The following TRPM3 variants were observed in gnomAD, a reference collection of about 807,000 sequenced individuals.
TRPM3 encodes transient receptor potential cation channel subfamily M member 3.
In TRPM3, 77 loss-of-function variants were observed where a neutral mutation model predicts 181.2. The ratio of observed to expected loss-of-function variants is 0.42; its 90% confidence interval spans 0.35 to 0.51. The LOEUF is 0.51. Among genes scored for constraint, TRPM3 ranks in the 20% least tolerant of loss-of-function variants. The pLI, the probability that TRPM3 is intolerant of heterozygous loss-of-function variation, is 0.01. For missense variants in TRPM3, 1,759 were observed against 2,196.7 expected (o/e 0.80, Z 3.98); for synonymous variants, 745 against 796.4 (o/e 0.94, Z 1.09).
chr9:70,874,501 A>C (rs1266922510), intron 1 of TRPM3, among the ~76,000 whole-genome samples: 1 of 151,936 alleles, frequency 6.6e-6, no homozygotes, highest in Non-Finnish European at 1.5e-5. Context: ...TAGAGTAAAA[A>C]TGAGGCTATG....
Position 70,544,176 on chromosome 9 carries a change from A to G in TRPM3, c.3707+5366T>C, listed in dbSNP as rs552247002. ...ATGGGAAATAAAAAGAAATGCCAGAAAATTGGAGATAGATAAAAGCTTTTC... is the reference window on the plus strand; with the variant it reads ...ATGGGAAATAAAAAGAAATGCCAGAGAATTGGAGATAGATAAAAGCTTTTC... On this transcript the variant is annotated intron_variant, in intron 25 of 25. Transcript: ENST00000677713. Among the ~76,000 whole-genome samples, 31 of 152,304 alleles carry G rather than the reference A, an allele frequency of 2.0e-4. No homozygotes were observed. In the South Asian group the frequency reaches 6.0e-3, roughly 30 times the overall value.
intron 1 of TRPM3, among the ~76,000 whole-genome samples, chr9:71,110,721 A>G (rs12005835): frequency 0.033 from 4,990 of 152,296 alleles, 287 homozygotes; most frequent in African/African-American, 0.11. Context: ...TAGGATATTA[A>G]TTAATGCAGA....
chr9:71,138,493 T>C (rs1435401573), intron 1 of TRPM3, among the ~76,000 whole-genome samples: 1 of 152,224 alleles, frequency 6.6e-6, no homozygotes, highest in Admixed American at 6.5e-5. Context: ...TCAGTATATA[T>C]ATGAGTTTCT....
chr9:70,629,478 G>A (rs1184226937), intron 12 of TRPM3, among the ~76,000 whole-genome samples: 1 of 152,038 alleles, frequency 6.6e-6, no homozygotes, highest in Non-Finnish European at 1.5e-5. Flanking sequence ...TGGGATTACA[G>A]GCATGTGCCA....
chr9:70,652,016 AC>A (rs2059657294), intron 9 of TRPM3, among the ~76,000 whole-genome samples: 1 of 152,182 alleles, frequency 6.6e-6, no homozygotes, highest in Non-Finnish European at 1.5e-5. Context: ...CTGAAGGCCT[AC>A]TGTTGCTGAG....
chr9:71,138,510 A>G (rs182003734), intron 1 of TRPM3, among the ~76,000 whole-genome samples: 1 of 152,292 alleles, frequency 6.6e-6, no homozygotes, highest in East Asian at 1.9e-4. Flanking sequence ...TTCTAATAGG[A>G]AATCAATCTT....
At position 71,270,450 on chromosome 9, in the gene TRPM3, A is replaced by G. The variant is rs539562431; in HGVS notation, c.183+176203T>C. On this transcript the variant is annotated intron_variant, in intron 1 of 24. Transcript: ENST00000357533. ...GGTCCATGTCATCTGGCCCCTGCTCACTGGACTCATCCTATATAACCCTCC... is the reference window on the plus strand; with the variant it reads ...GGTCCATGTCATCTGGCCCCTGCTCGCTGGACTCATCCTATATAACCCTCC... 3.6e-3 allele frequency among the ~76,000 whole-genome samples: 550 copies of G among 152,348 alleles called. 1 individual carries two copies. Among genetic ancestry groups the G allele is most frequent in the African/African-American group, 0.013 (521 of 41,586 alleles).
At chr9:71,266,918 T>G (rs719858) in intron 1 of TRPM3, among the ~76,000 whole-genome samples, 82,516 of 150,908 alleles carry the variant, frequency 0.55, 22,674 homozygotes, top group African/African-American at 0.6. Context: ...TTCTATTAAT[T>G]ATGACAATTT....
At chr9:71,104,261 C>G (rs1231393990) in intron 1 of TRPM3, among the ~76,000 whole-genome samples, 1 of 152,190 alleles carries the variant, frequency 6.6e-6, no homozygotes, top group African/African-American at 2.4e-5. Context: ...AATATGGACA[C>G]ATTCCTAGTG....
chr9:71,365,461 AT>A (rs758486310), intron 1 of TRPM3, among the ~76,000 whole-genome samples: 1 of 152,094 alleles, frequency 6.6e-6, no homozygotes, highest in East Asian at 1.9e-4. Context: ...TTTATCTTAG[AT>A]TCTGAAAGTT....
At chr9:70,637,459 C>G (rs2057392281) in intron 11 of TRPM3, among the ~76,000 whole-genome samples, 1 of 151,986 alleles carries the variant, frequency 6.6e-6, no homozygotes. Flanking sequence ...CTACCCACCC[C>G]CACTCCCCAG....
At chr9:70,601,617 T>TC (rs1178356008) in intron 20 of TRPM3, among the ~76,000 whole-genome samples, 1 of 152,062 alleles carries the variant, frequency 6.6e-6, no homozygotes, top group East Asian at 1.9e-4. Context: ...ACCGCCTCAC[T>TC]CCCCACGGGA....
At chr9:70,570,989 A>C (rs1250588584) in intron 22 of TRPM3, among the ~76,000 whole-genome samples, 2 of 152,016 alleles carry the variant, frequency 1.3e-5, no homozygotes, top group Non-Finnish European at 2.9e-5. Context: ...TTTCTATTCC[A>C]TCTGAATAAC....
intron 1 of TRPM3, among the ~76,000 whole-genome samples, chr9:71,199,837 T>A (rs1165325642): frequency 2.6e-5 from 4 of 152,028 alleles, no homozygotes; most frequent in Non-Finnish European, 4.4e-5. Flanking sequence ...CTGGATTCAT[T>A]AATTTTTTGA....
intron 1 of TRPM3, among the ~76,000 whole-genome samples, chr9:71,400,281 C>A (rs370039870): frequency 6.6e-6 from 1 of 152,060 alleles, no homozygotes; most frequent in African/African-American, 2.4e-5. Flanking sequence ...ATTTTCTGAT[C>A]CTTACATTAT....
chr9:71,102,906 GATTGA>G (rs2068668256), intron 1 of TRPM3, among the ~76,000 whole-genome samples: 1 of 152,112 alleles, frequency 6.6e-6, no homozygotes, highest in African/African-American at 2.4e-5. Context: ...ATATTTATTG[GATTGA>G]ATTGATTTCT....
intron 22 of TRPM3, among the ~76,000 whole-genome samples, chr9:70,583,403 T>C (rs1174821209): frequency 6.6e-6 from 1 of 151,820 alleles, no homozygotes; most frequent in Non-Finnish European, 1.5e-5. Context: ...CATGATAGAG[T>C]AGAAAAAGCA....
chr9:70,752,621 A>G (rs2076385458), intron 8 of TRPM3, among the ~76,000 whole-genome samples: 1 of 152,210 alleles, frequency 6.6e-6, no homozygotes, highest in African/African-American at 2.4e-5. Context: ...TGGTGCCATG[A>G]GATTATAATA....
At chr9:71,262,261 G>A (rs1466280143) in intron 1 of TRPM3, among the ~76,000 whole-genome samples, 1 of 152,180 alleles carries the variant, frequency 6.6e-6, no homozygotes, top group Non-Finnish European at 1.5e-5. Context: ...CTGCTTTGTG[G>A]TGCTGGGGTG....
Sources: allele counts gnomAD v4.1 joint callset (sites outside exome capture counted in the v4.1 genomes callset), GRCh38; gene constraint gnomAD v4.1.1; transcripts MANE v1.5; gene names NCBI Gene and HGNC (gene_info 2026-07-23, HGNC 2026-07-21).